SLC25A13: variants seen among roughly 807,000 people sequenced by gnomAD.
SLC25A13 encodes electrogenic aspartate/glutamate antiporter SLC25A13, mitochondrial.
A neutral mutation model predicts 85.5 loss-of-function variants in SLC25A13; 70 were observed. The observed-to-expected ratio is 0.82, with a 90% CI of 0.68 to 1.00. The LOEUF (loss-of-function observed/expected upper bound fraction) is 1.00, where lower values mean the gene tolerates loss of function less well. SLC25A13 is among the 50% of genes least tolerant of loss of function. SLC25A13 has a pLI of 0.00. For synonymous variants in SLC25A13, 259 were observed against 288.7 expected (o/e 0.90, Z 1.04); for missense variants, 765 against 819.8 (o/e 0.93, Z 0.82).
chr7:96,241,775 T>C (rs1444502779), intron 3 of SLC25A13, among the ~76,000 whole-genome samples: 4 of 152,206 alleles, frequency 2.6e-5, no homozygotes, highest in African/African-American at 9.7e-5. Context: ...ACTTAGATAG[T>C]GGCAGGAGGA....
chr7:96,260,376 G>A (rs1797807851), intron 3 of SLC25A13, among the ~76,000 whole-genome samples: 1 of 152,042 alleles, frequency 6.6e-6, no homozygotes, highest in Admixed American at 6.6e-5. Flanking sequence ...GGCCAAAGAT[G>A]AGATATTGCA....
rs578216926 is a variant in SLC25A13, at chr7:96,196,042, G to A, written c.469-2859C>T. On this transcript the variant is annotated intron_variant, in intron 5 of 17. Transcript: ENST00000265631. ...TGCAGCTCAGCAGAATGCTTTAGAT[G>A]TATAGTAGGTGCTCAATAAATGACA... 2.6e-5 allele frequency among the ~76,000 whole-genome samples: 4 copies of A among 152,340 alleles called. No homozygotes were observed. In the South Asian group the frequency reaches 8.3e-4, roughly 32 times the overall value.
intron 2 of SLC25A13, among the ~76,000 whole-genome samples, chr7:96,295,516 G>T (rs1028072706): frequency 1.3e-5 from 2 of 152,036 alleles, no homozygotes; most frequent in Admixed American, 6.6e-5. Flanking sequence ...TCTCAGAAAC[G>T]GTAGTCTCAT....
At chr7:96,156,237 T>C (rs1290240272) in intron 13 of SLC25A13, among the ~76,000 whole-genome samples, 4 of 152,210 alleles carry the variant, frequency 2.6e-5, no homozygotes, top group African/African-American at 7.2e-5. Context: ...TAATCAATAA[T>C]GAGAAAGCCA....
chr7:96,235,457 C>G (rs1220080731), intron 3 of SLC25A13, among the ~76,000 whole-genome samples: 1 of 152,158 alleles, frequency 6.6e-6, no homozygotes, highest in Non-Finnish European at 1.5e-5. Context: ...GTGAGGCAGA[C>G]AGCACTGGTC....
At chr7:96,224,441 C>T (rs1236468744) in intron 4 of SLC25A13, among the ~76,000 whole-genome samples, 3 of 152,196 alleles carry the variant, frequency 2.0e-5, no homozygotes, top group Non-Finnish European at 2.9e-5. Context: ...TCTTAAGCTG[C>T]ACCCCTCAAT....
chr7:96,283,668 T>C, intron 2 of SLC25A13: 1 of 295,232 alleles, frequency 3.4e-6, no homozygotes, highest in South Asian at 3.4e-5. Context: ...TGAGATAGCT[T>C]CCTGAAATGC....
intron 2 of SLC25A13, among the ~76,000 whole-genome samples, chr7:96,282,226 G>A (rs75612501): frequency 1.3e-5 from 2 of 152,078 alleles, no homozygotes; most frequent in East Asian, 3.8e-4. Flanking sequence ...CATACTCAGT[G>A]AAGATGACAG....
At chr7:96,126,725 AG>A (rs1791743980) in intron 15 of SLC25A13, among the ~76,000 whole-genome samples, 1 of 152,212 alleles carries the variant, frequency 6.6e-6, no homozygotes, top group African/African-American at 2.4e-5. Context: ...GCTGAGGGCC[AG>A]ATTAGCATTT....
At chr7:96,192,091 C>T (rs1794876134) in intron 6 of SLC25A13, among the ~76,000 whole-genome samples, 3 of 152,036 alleles carry the variant, frequency 2.0e-5, no homozygotes, top group Admixed American at 6.5e-5. Flanking sequence ...GAGAAGGGGG[C>T]GCCCAAGAAA....
chr7:96,182,340 A>G (rs1336756725), intron 11 of SLC25A13, among the ~76,000 whole-genome samples: 2 of 152,248 alleles, frequency 1.3e-5, no homozygotes, highest in Admixed American at 1.3e-4. Context: ...GATATCAGGA[A>G]GAAATGAACA....
intron 2 of SLC25A13, among the ~76,000 whole-genome samples, chr7:96,294,664 C>G (rs1799280938): frequency 6.7e-6 from 1 of 150,070 alleles, no homozygotes. Flanking sequence ...GGGCTAAAAA[C>G]AAATTTATAA....
intron 2 of SLC25A13, among the ~76,000 whole-genome samples, chr7:96,279,174 C>T (rs764064444): frequency 1.1e-4 from 16 of 152,192 alleles, no homozygotes; most frequent in Non-Finnish European, 1.6e-4. Flanking sequence ...TACCAATTTA[C>T]ACTCCCACCA....
chr7:96,176,605 C>T (rs754722807), intron 11 of SLC25A13, among the ~76,000 whole-genome samples: 6 of 152,124 alleles, frequency 3.9e-5, no homozygotes, highest in African/African-American at 1.2e-4. Context: ...CAGTCCCTTG[C>T]GCAAACCAAG....
Position 96,146,589 on chromosome 7 carries a change from G to A in SLC25A13, c.1419C>T (p.Val473=), listed in dbSNP as rs201598915. The change falls in exon 14 of 18, where the codon GTC becomes GTT. Residue 473 remains valine (V), a synonymous_variant. Coordinates refer to ENST00000265631, the MANE Select transcript of SLC25A13 (RefSeq NM_014251.3). The part of the protein sequence containing the change: ...TTGPRVSALS[V]VRDLGFFGIY... ...TCCCAAAAAACCCCAGGTCCCGCAC[G>A]ACAGACAGAGCACTGACTCGAGGAC... is the stretch of plus-strand genomic sequence containing the variant. The A allele has an allele frequency of 1.8e-5, 29 of 1,612,664 alleles. No individual in the cohort carries two copies. Among genetic ancestry groups the A allele is most frequent in the East Asian group, 6.7e-5 (3 of 44,812 alleles).
At chr7:96,283,457 A>G (rs1231291441) in intron 2 of SLC25A13, 8 of 435,672 alleles carry the variant, frequency 1.8e-5, no homozygotes, top group Non-Finnish European at 3.2e-5. Flanking sequence ...ATGCAAATCT[A>G]TAAGAAAGGT....
In SLC25A13 at chr7:96,321,925, C is replaced by T; in HGVS notation, c.15+17G>A. On this transcript the variant is annotated intron_variant, in intron 1 of 17. Coordinates refer to ENST00000265631, the MANE Select transcript of SLC25A13 (RefSeq NM_014251.3). ...ATCCGGCAGGCGCGCTCCCCCCGGC[C>T]TCGGGCCCGCGGTTACCTTGGCGGC... The T allele has an allele frequency of 6.5e-7, 1 of 1,530,676 alleles. No homozygotes were observed. The highest frequency in any genetic ancestry group is 2.6e-5 in the East Asian group (1 of 38,234). 94.8% of individuals were successfully genotyped at this position (1,530,676 alleles called of 1,614,324 possible). A position where few individuals can be genotyped will look rare whatever the true frequency, so the allele number is the denominator to read the frequency against.
At chr7:96,187,924 G>A (rs1325561095) in intron 9 of SLC25A13, among the ~76,000 whole-genome samples, 1 of 152,154 alleles carries the variant, frequency 6.6e-6, no homozygotes, top group East Asian at 1.9e-4. Flanking sequence ...CTAAGCGGCA[G>A]CGAATCATTT....
At chr7:96,257,902 TG>T (rs1797701529) in intron 3 of SLC25A13, among the ~76,000 whole-genome samples, 1 of 152,232 alleles carries the variant, frequency 6.6e-6, no homozygotes, top group Non-Finnish European at 1.5e-5. Flanking sequence ...GATGCAAGGC[TG>T]GTTCAACATA....
Sources: gnomAD v4.1 joint callset for allele counts (sites outside exome capture counted in the v4.1 genomes callset) on GRCh38, gnomAD v4.1.1 for gene constraint, MANE v1.5 for transcripts, NCBI Gene and HGNC (gene_info 2026-07-23, HGNC 2026-07-21) for gene names.